Variants in RIMS2 observed in about 807,000 individuals in gnomAD.
RIMS2 encodes regulating synaptic membrane exocytosis protein 2.
Under a neutral mutation model 174.4 loss-of-function variants are expected in RIMS2, and 59 were observed. The observed-to-expected ratio is 0.34, with a 90% CI of 0.27 to 0.42. The LOEUF (loss-of-function observed/expected upper bound fraction) is 0.42. Ranked by LOEUF, RIMS2 falls within the 10% of genes least tolerant of loss-of-function variation. The probability of loss-of-function intolerance (pLI) is 1.00; values close to 1 mark genes in which losing one functional copy is unlikely to be tolerated. For synonymous variants in RIMS2, 606 were observed against 572.5 expected (o/e 1.06, Z -0.84); for missense variants, 1,620 against 1,666.3 (o/e 0.97, Z 0.48).
At chr8:104,189,598 A>ATG (rs1339607628) in intron 19 of RIMS2, among the ~76,000 whole-genome samples, 3 of 147,004 alleles carry the variant, frequency 2.0e-5, no homozygotes, top group Admixed American at 6.8e-5. Context: ...ATATATATAT[A>ATG]TTTATGTAAA....
At chr8:104,049,776 G>T (rs1018475808) in intron 19 of RIMS2, among the ~76,000 whole-genome samples, 1 of 152,144 alleles carries the variant, frequency 6.6e-6, no homozygotes, top group South Asian at 2.1e-4. Flanking sequence ...CACACAAAAA[G>T]ACATAGTCTA....
chr8:103,676,877 A>C (rs925410489), intron 1 of RIMS2, among the ~76,000 whole-genome samples: 1 of 152,138 alleles, frequency 6.6e-6, no homozygotes, highest in African/African-American at 2.4e-5. Context: ...TCAGTTACTC[A>C]GGAGCCTGAG....
intron 3 of RIMS2, among the ~76,000 whole-genome samples, chr8:103,846,418 A>G (rs1054204958): frequency 3.9e-5 from 6 of 152,158 alleles, no homozygotes; most frequent in African/African-American, 1.4e-4. Flanking sequence ...AAGCCTAGCC[A>G]TGGGGCTGAA....
chr8:104,054,770 T>G (rs1299555110), intron 19 of RIMS2, among the ~76,000 whole-genome samples: 1 of 152,252 alleles, frequency 6.6e-6, no homozygotes, highest in East Asian at 1.9e-4. Flanking sequence ...GTATCAAAAA[T>G]TTTATTTTTC....
chr8:103,705,342 A>G (rs1166924798), intron 2 of RIMS2, among the ~76,000 whole-genome samples: 7 of 152,070 alleles, frequency 4.6e-5, no homozygotes, highest in East Asian at 3.8e-4. Context: ...AAATTTCACT[A>G]TGACTTGTTT....
At chr8:104,166,844 C>T (rs1469292924) in intron 19 of RIMS2, among the ~76,000 whole-genome samples, 1 of 152,048 alleles carries the variant, frequency 6.6e-6, no homozygotes, top group Non-Finnish European at 1.5e-5. Context: ...ATCCTCATAG[C>T]TTAGCTCCCA....
intron 4 of RIMS2, among the ~76,000 whole-genome samples, chr8:103,899,808 G>A (rs1183280650): frequency 6.6e-5 from 10 of 151,744 alleles, no homozygotes; most frequent in African/African-American, 2.4e-4. Flanking sequence ...CCTATGTCCT[G>A]AATGGTATTA....
intron 1 of RIMS2, among the ~76,000 whole-genome samples, chr8:103,691,061 A>G (rs1004047695): frequency 6.6e-6 from 1 of 152,202 alleles, no homozygotes; most frequent in African/African-American, 2.4e-5. Context: ...GCTGCCAGAC[A>G]TACTGGAGCT....
intron 3 of RIMS2, among the ~76,000 whole-genome samples, chr8:103,862,235 C>A (rs2099062610): frequency 6.6e-6 from 1 of 151,866 alleles, no homozygotes; most frequent in Non-Finnish European, 1.5e-5. Flanking sequence ...AATATAGTGT[C>A]CTTTACCCAT....
intron 2 of RIMS2, among the ~76,000 whole-genome samples, chr8:103,713,530 C>T (rs1284000756): frequency 6.6e-6 from 1 of 152,020 alleles, no homozygotes; most frequent in Non-Finnish European, 1.5e-5. Flanking sequence ...CTTTCCTTTC[C>T]CCAAATTTTT....
In RIMS2 at chr8:103,894,508, T is replaced by A. The variant is rs187669739; in HGVS notation, c.1624+8285T>A. 8.5e-4 allele frequency among the ~76,000 whole-genome samples: 129 copies of A among 151,688 alleles called. 6 individuals are homozygous for A. The highest frequency in any genetic ancestry group is 2.9e-3 in the African/African-American group (121 of 41,098). On this transcript the variant is annotated intron_variant, in intron 4 of 23. Transcript: ENST00000504942. ...AAACCTAGAAATGTATTAAAAGGGATAAATATGCATAATTAGATTATATGT... is the reference window on the plus strand; with the variant it reads ...AAACCTAGAAATGTATTAAAAGGGAAAAATATGCATAATTAGATTATATGT...
chr8:103,754,283 G>C (rs2097943881), intron 2 of RIMS2, among the ~76,000 whole-genome samples: 1 of 152,150 alleles, frequency 6.6e-6, no homozygotes, highest in South Asian at 2.1e-4. Flanking sequence ...ATTGCACTGT[G>C]GTCTGAGCGA....
intron 1 of RIMS2, among the ~76,000 whole-genome samples, chr8:103,601,867 A>G (rs1449213301): frequency 7.2e-5 from 11 of 152,140 alleles, no homozygotes; most frequent in Admixed American, 7.2e-4. Flanking sequence ...CTTATAACCT[A>G]TTATTTTAAA....
intron 6 of RIMS2, among the ~76,000 whole-genome samples, chr8:103,914,366 T>G (rs2076279571): frequency 6.6e-6 from 1 of 152,182 alleles, no homozygotes; most frequent in South Asian, 2.1e-4. Context: ...TCTCTTAGCT[T>G]TAGATTTCTT....
rs774285131 is a variant in RIMS2, at chr8:103,912,138, T to C, written c.1778T>C (p.Val593Ala). ...AATAAGCGTCTAAAAGATGGAAGTG[T>C]ACCTCGAGATTCAGGAGCAATGCTT... The change falls in exon 6 of 24, where the codon GTA becomes GCA. Residue 593 changes from valine to alanine, a missense_variant. Val to Ala is a moderately conservative substitution (Grantham distance 64). This residue lies in a region of RIMS2 where 1,395 missense variants were observed against 1,360.1 expected (regional missense o/e 1.03). Transcript: ENST00000504942. 13 of 1,607,798 alleles carry C rather than the reference T, an allele frequency of 8.1e-6. No homozygotes were observed. In the South Asian group the frequency reaches 1.3e-4, roughly 16 times the overall value.
chr8:103,519,583 T>C (rs1401918467), intron 1 of RIMS2, among the ~76,000 whole-genome samples: 1 of 152,146 alleles, frequency 6.6e-6, no homozygotes, highest in Non-Finnish European at 1.5e-5. Context: ...GCCTTCCAGT[T>C]TGAAGTTCAT....
intron 19 of RIMS2, among the ~76,000 whole-genome samples, chr8:104,145,183 G>C (rs2098623965): frequency 6.6e-6 from 1 of 151,878 alleles, no homozygotes; most frequent in Non-Finnish European, 1.5e-5. Context: ...AGCTAAATCT[G>C]TACACATTGC....
chr8:103,568,901 T>A, intron 1 of RIMS2: 1 of 1,075,110 alleles, frequency 9.3e-7, no homozygotes, highest in East Asian at 2.7e-5. Context: ...GAAGACCACA[T>A]TGCTGCAACA....
At chr8:103,888,523 G>T (rs927647993) in intron 4 of RIMS2, among the ~76,000 whole-genome samples, 24 of 151,416 alleles carry the variant, frequency 1.6e-4, no homozygotes, top group African/African-American at 5.8e-4. Context: ...ATCTTTGGTG[G>T]TTTGGTTTAG....
Sources: gnomAD v4.1 joint callset for allele counts (sites outside exome capture counted in the v4.1 genomes callset) on GRCh38, gnomAD v4.1.1 for gene constraint, gnomAD v4.1.1 regional missense constraint, MANE v1.5 for transcripts, NCBI Gene and HGNC (gene_info 2026-07-23, HGNC 2026-07-21) for gene names.